Variants in RPS13 observed in about 807,000 individuals in gnomAD.
The protein encoded by RPS13 is ribosomal protein S13.
RPS13 carries 1 observed loss-of-function variant against 24.6 expected under a neutral mutation model. The ratio of observed to expected loss-of-function variants is 0.04; its 90% CI spans 0.01 to 0.19. The LOEUF (loss-of-function observed/expected upper bound fraction) is 0.19, where lower values mean the gene tolerates loss of function less well. Ranked by LOEUF, RPS13 falls within the 10% of genes least tolerant of loss-of-function variation. RPS13 has a pLI of 1.00. For missense variants in RPS13, 88 were observed against 187.4 expected (o/e 0.47, Z 3.10); for synonymous variants, 69 against 65.3 (o/e 1.06, Z -0.27).
chr11:17,077,591 G>T, intron 1 of RPS13, 28 bp downstream of exon 1: 1 of 1,565,310 alleles, frequency 6.4e-7, no homozygotes, highest in Admixed American at 1.8e-5. Context: ...CCCCCGCCCA[G>T]CAATCCGGCT....
chr11:17,076,035 A>G (rs1298854435), intron 3 of RPS13: 4 of 315,656 alleles, frequency 1.3e-5, no homozygotes, highest in African/African-American at 8.8e-5. Context: ...TTGATGTGTC[A>G]TACCTCCAAT....
intron 4 of RPS13, 40 bp downstream of exon 4, chr11:17,075,414 A>G: frequency 6.8e-7 from 1 of 1,473,990 alleles, no homozygotes; most frequent in Admixed American, 2.3e-5. Context: ...ATTTAGTACA[A>G]GCAGTCCTAC....
chr11:17,075,432 C>T (rs1456299911), intron 4 of RPS13, 22 bp downstream of exon 4: 1 of 1,528,696 alleles, frequency 6.5e-7, no homozygotes, highest in African/African-American at 1.4e-5. Context: ...TACTTAGCAC[C>T]AGGTTTTATT....
chr11:17,074,469 GAAA>G lies in RPS13; in HGVS notation c.423-6_423-4del. 1 of 1,606,862 alleles carries G rather than the reference GAAA, an allele frequency of 6.2e-7. No individual in the cohort carries two copies. Among genetic ancestry groups the G allele is most frequent in the African/African-American group, 1.3e-5 (1 of 74,576 alleles). ...GGGCAGAGGCTGTAGATGATTCACT[GAAA>G]AAGAAAAAAGGGGAAAGAAAGAAAA... is the stretch of plus-strand genomic sequence containing the variant. On this transcript the variant is annotated splice_region_variant and splice_polypyrimidine_tract_variant and intron_variant, in intron 5 of 5. Transcript: ENST00000525634.
chr11:17,077,412 C>A lies in RPS13; in HGVS notation c.72+17G>T, dbSNP rs1198981580. On this transcript the variant is annotated intron_variant, in intron 2 of 5. Transcript: ENST00000525634. ...ACCCCCTCCCCGGATTCTCCCCGGT[C>A]CCAGCGCGCTACTTACAGTGGGGAC... is the stretch of plus-strand genomic sequence containing the variant. 6.2e-7 allele frequency: 1 copy of A among 1,603,308 alleles called. No individual in the cohort carries two copies. The highest frequency in any genetic ancestry group is 8.5e-7 in the Non-Finnish European group (1 of 1,173,008).
At chr11:17,074,618 C>G in intron 5 of RPS13, 152 bp from the exon 6 acceptor site, 1 of 724,490 alleles carries the variant, frequency 1.4e-6, no homozygotes, top group African/African-American at 1.7e-5. Flanking sequence ...ATACCTGAAC[C>G]AACTCATTGT....
intron 3 of RPS13, 102 bp downstream of exon 3, chr11:17,077,066 G>A: frequency 1.2e-6 from 1 of 854,144 alleles, no homozygotes; most frequent in South Asian, 1.4e-5. Flanking sequence ...ACGGTGGCGA[G>A]ACCAGAGTTT....
chr11:17,076,455 C>G (rs959222297), intron 3 of RPS13: 1 of 325,946 alleles, frequency 3.1e-6, no homozygotes, highest in Non-Finnish European at 6.0e-6. Flanking sequence ...ATTCGGGAGG[C>G]TGAGGCAGGA....
rs550928729 is a variant in RPS13, at chr11:17,076,855, T to C, written c.151+313A>G. 3.0e-5 allele frequency: 14 copies of C among 461,788 alleles called. No homozygotes were observed. The Admixed American group carries it at 4.6e-4, about 15-fold the overall frequency. The allele number at this position is 461,788 out of a possible 1,614,324, so 28.6% of individuals were successfully genotyped here. A position where few individuals can be genotyped will look rare whatever the true frequency, so the allele number is the denominator to read the frequency against. ...AACCACACCTAACTGTGAGGAACTGTGTCAGGCACTCTGCTTAGCCAATTC... is the reference window on the plus strand; with the variant it reads ...AACCACACCTAACTGTGAGGAACTGCGTCAGGCACTCTGCTTAGCCAATTC... On this transcript the variant is annotated intron_variant, in intron 3 of 5. Transcript: ENST00000525634.
At chr11:17,077,347 GT>G in intron 2 of RPS13, 81 bp downstream of exon 2, 1 of 1,583,710 alleles carries the variant, frequency 6.3e-7, no homozygotes, top group African/African-American at 1.3e-5. Context: ...ATACACGCAA[GT>G]TCCTCACCCT....
chr11:17,077,662 G>GT lies in RPS13; in HGVS notation c.-22_-21insA. The GT allele has an allele frequency of 1.9e-6, 3 of 1,613,178 alleles. No individual in the cohort carries two copies. The highest frequency in any genetic ancestry group is 1.7e-6 in the Non-Finnish European group (2 of 1,179,900). On this transcript the variant is annotated 5_prime_UTR_variant, in exon 1 of 6. Coordinates refer to ENST00000525634, the MANE Select transcript of RPS13 (RefSeq NM_001017.3). ...CCCATGATGGCGGCGATCAGGCAAC[G>GT]AAAGGAGAGCGAGAGTGGAAACGCC... is the stretch of plus-strand genomic sequence containing the variant.
At chr11:17,075,721 T>G in intron 3 of RPS13, 98 bp from the exon 4 acceptor site, 6 of 911,340 alleles carry the variant, frequency 6.6e-6, no homozygotes, top group East Asian at 2.4e-5. Flanking sequence ...TTCCTATCTG[T>G]AAGATGGGGG....
rs919439622 is a variant in RPS13 at position 17,077,100 on chromosome 11, C to T, written c.151+68G>A. Reference sequence around the variant, plus strand: ...TTTGGCTATTTTTAAAATAACTTTACCACCTACTAGATCCTACAAGTCACA... The same window carrying T: ...TTTGGCTATTTTTAAAATAACTTTATCACCTACTAGATCCTACAAGTCACA... On this transcript the variant is annotated intron_variant, in intron 3 of 5. Coordinates refer to ENST00000525634, the MANE Select transcript of RPS13 (RefSeq NM_001017.3). The T allele has an allele frequency of 3.3e-6, 4 of 1,196,604 alleles. No individual in the cohort carries two copies. The African/African-American group carries it at 4.5e-5, about 14-fold the overall frequency. The allele number at this position is 1,196,604 out of a possible 1,614,324, so 74.1% of individuals were successfully genotyped here.
chr11:17,077,388 C>T (rs749962933), intron 2 of RPS13, 41 bp downstream of exon 2: 1 of 1,597,604 alleles, frequency 6.3e-7, no homozygotes, highest in South Asian at 1.1e-5. Flanking sequence ...CAAATGCCAA[C>T]CCCCTCCCCG....
intron 5 of RPS13, chr11:17,074,767 C>A: frequency 1.5e-6 from 1 of 665,422 alleles, no homozygotes. Flanking sequence ...AAAATTAATT[C>A]AAACTCCTGG....
intron 2 of RPS13, 40 bp from the exon 3 acceptor site, chr11:17,077,286 G>A: frequency 6.3e-7 from 1 of 1,591,532 alleles, no homozygotes; most frequent in Non-Finnish European, 8.6e-7. Context: ...TGAGAACCCA[G>A]GAATGGCGCC....
chr11:17,076,570 A>G (rs74354524), intron 3 of RPS13: 1 of 426,668 alleles, frequency 2.3e-6, no homozygotes. Context: ...AAAAAAAAAA[A>G]AGAGGTGGGG....
intron 5 of RPS13, chr11:17,074,691 G>A: frequency 1.4e-6 from 1 of 700,688 alleles, no homozygotes; most frequent in Non-Finnish European, 2.6e-6. Flanking sequence ...CCAACATAAG[G>A]AAAAACATTT....
At chr11:17,076,120 G>C (rs975871942) in intron 3 of RPS13, 3 of 258,508 alleles carry the variant, frequency 1.2e-5, no homozygotes, top group Admixed American at 5.0e-5. Context: ...AGGTGGTGTG[G>C]CTCACGCCTG....
Sources: gnomAD v4.1 joint callset for allele counts on GRCh38, gnomAD v4.1.1 for gene constraint, MANE v1.5 for transcripts, NCBI Gene and HGNC (gene_info 2026-07-23, HGNC 2026-07-21) for gene names.